Variants in DCN observed in about 807,000 individuals in gnomAD.
The protein encoded by DCN is bone proteoglycan II.
Under a neutral mutation model 36.5 loss-of-function variants are expected in DCN, and 17 were observed. The observed-to-expected ratio is 0.47, with a 90% CI of 0.32 to 0.70. The LOEUF (loss-of-function observed/expected upper bound fraction) is 0.70, where lower values mean the gene tolerates loss of function less well. DCN is among the 30% of genes least tolerant of loss of function. The pLI is 0.04. For missense variants in DCN, 389 were observed against 430.1 expected (o/e 0.90, Z 0.84); for synonymous variants, 163 against 161.4 (o/e 1.01, Z -0.07).
At chr12:91,152,047 T>C (rs1881467175) in intron 6 of DCN, among the ~76,000 whole-genome samples, 1 of 152,206 alleles carries the variant, frequency 6.6e-6, no homozygotes, top group South Asian at 2.1e-4. Flanking sequence ...TTCCTTATAA[T>C]ATCCTAAGTT....
intron 2 of DCN, among the ~76,000 whole-genome samples, chr12:91,168,939 A>G (rs1286654467): frequency 2.0e-5 from 3 of 152,176 alleles, no homozygotes; most frequent in Middle Eastern, 3.2e-3. Flanking sequence ...CATGGCATAT[A>G]TTTCTCCTGG....
chr12:91,177,716 T>C (rs1565790464), intron 2 of DCN: 1 of 695,820 alleles, frequency 1.4e-6, no homozygotes, highest in Admixed American at 2.0e-5. Context: ...CATACCTTAG[T>C]GATAAATATT....
intron 7 of DCN, among the ~76,000 whole-genome samples, chr12:91,150,084 G>A (rs1486783152): frequency 1.3e-5 from 2 of 151,914 alleles, no homozygotes; most frequent in African/African-American, 2.4e-5. Flanking sequence ...GAATGCAAAG[G>A]AACCAGAATA....
intron 7 of DCN, among the ~76,000 whole-genome samples, chr12:91,150,376 AT>A (rs2121162516): frequency 6.6e-6 from 1 of 152,232 alleles, no homozygotes; most frequent in East Asian, 1.9e-4. Flanking sequence ...GACTCATATC[AT>A]ATACTAGGAT....
intron 7 of DCN, 98 bp from the exon 8 acceptor site, chr12:91,146,350 A>AATTTT: frequency 2.0e-6 from 1 of 508,092 alleles, no homozygotes; most frequent in Non-Finnish European, 3.2e-6. Flanking sequence ...TTAATCCTTC[A>AATTTT]CTTTTTTTTT....
chr12:91,154,391 T>A (rs1881626189), intron 5 of DCN, among the ~76,000 whole-genome samples: 1 of 152,108 alleles, frequency 6.6e-6, no homozygotes, highest in African/African-American at 2.4e-5. Context: ...TTTTCACAGT[T>A]AAATAAATAA....
Position 91,141,696 on chromosome 12 carries a change from T to G in DCN, c.*4362A>C, listed in dbSNP as rs1274651486. ...ACAAAAAAGTTGGATTATTTTGACA[T>G]TTTTGAGTGTATTTTAAAATTGATT... On this transcript the variant is annotated 3_prime_UTR_variant, in exon 8 of 8. Coordinates refer to ENST00000052754, the MANE Select transcript of DCN (RefSeq NM_001920.5). 2 of 152,110 alleles carry G rather than the reference T, an allele frequency of 1.3e-5. No individual in the cohort carries two copies. Among genetic ancestry groups the G allele is most frequent in the African/African-American group, 4.8e-5 (2 of 41,426 alleles). The allele number at this position is 152,110 out of a possible 1,614,324, so 9.4% of individuals were successfully genotyped here. A position where few individuals can be genotyped will look rare whatever the true frequency, so the allele number is the denominator to read the frequency against.
In DCN at chr12:91,151,672, T is replaced by C. The variant is rs1022018865; in HGVS notation, c.867A>G (p.Ala289=). Residue 289 remains alanine (A), a synonymous_variant, in exon 7 of 8, where the codon GCA becomes GCG. Coordinates refer to ENST00000052754, the MANE Select transcript of DCN (RefSeq NM_001920.5). ...NKLTRVPGGL[A]EHKYIQVVYL... ...GCATTACCTGGATGTACTTATGCTC[T>C]GCCAGCCCACCAGGTACTCTGGTAA... 1 of 1,614,084 alleles carries C rather than the reference T, an allele frequency of 6.2e-7. No homozygotes were observed. Among genetic ancestry groups the C allele is most frequent in the Non-Finnish European group, 8.5e-7 (1 of 1,179,962 alleles).
chr12:91,175,342 A>C (rs1883227557), intron 2 of DCN: 1 of 148,926 alleles, frequency 6.7e-6, no homozygotes, highest in Non-Finnish European at 1.5e-5. Flanking sequence ...ATCCTCTTAA[A>C]AAAAAAAAAA....
chr12:91,169,532 G>A (rs1229675511), intron 2 of DCN: 1 of 151,962 alleles, frequency 6.6e-6, no homozygotes, highest in African/African-American at 2.4e-5. Flanking sequence ...ATACTGGTAA[G>A]TGTATTGTTA....
intron 2 of DCN, chr12:91,176,734 G>A (rs928656152): frequency 3.3e-5 from 5 of 152,108 alleles, no homozygotes; most frequent in East Asian, 3.8e-4. Context: ...TACATGTAGC[G>A]AGAGTAATAA....
chr12:91,148,218 C>T (rs3138281), intron 7 of DCN, among the ~76,000 whole-genome samples: 3 of 151,862 alleles, frequency 2.0e-5, no homozygotes, highest in East Asian at 3.9e-4. Flanking sequence ...GGACTACAGG[C>T]GCCCACCACC....
At chr12:91,177,005 T>G (rs1280551166) in intron 2 of DCN, 1 of 152,440 alleles carries the variant, frequency 6.6e-6, no homozygotes, top group Non-Finnish European at 1.5e-5. Flanking sequence ...AAAGTAATAG[T>G]CACCACCACT....
rs3138198 is a variant in DCN at position 91,170,499 on chromosome 12, C to G, written c.212-5782G>C. Among the ~76,000 whole-genome samples the G allele has an allele frequency of 5.5e-3, 831 of 152,206 alleles. 3 individuals are homozygous for G. Among genetic ancestry groups the G allele is most frequent in the African/African-American group, 0.019 (802 of 41,508 alleles). ...CAGGGCCTTTGGGGTGCTTGTCTACCAAGTTCAGGGCTTTTGGATAAGCCT... is the reference window on the plus strand; with the variant it reads ...CAGGGCCTTTGGGGTGCTTGTCTACGAAGTTCAGGGCTTTTGGATAAGCCT... On this transcript the variant is annotated intron_variant, in intron 2 of 7. Transcript: ENST00000052754.
intron 1 of DCN, among the ~76,000 whole-genome samples, chr12:91,181,483 A>C (rs1197634638): frequency 6.6e-6 from 1 of 152,116 alleles, no homozygotes; most frequent in Non-Finnish European, 1.5e-5. Flanking sequence ...TGTTTAAATT[A>C]TACTGAAACT....
intron 2 of DCN, chr12:91,177,770 A>C (rs781524474): frequency 2.9e-6 from 2 of 688,832 alleles, no homozygotes; most frequent in African/African-American, 1.8e-5. Context: ...GGATTACAAA[A>C]TGTCAAAAGT....
intron 1 of DCN, 120 bp downstream of exon 1, chr12:91,182,535 A>C (rs1198884848): frequency 1.3e-5 from 2 of 151,684 alleles, no homozygotes; most frequent in African/African-American, 4.9e-5. Flanking sequence ...AAAAACTATA[A>C]AAGTTTAACA....
chr12:91,153,829 C>A (rs886939510), intron 5 of DCN, among the ~76,000 whole-genome samples: 37 of 151,980 alleles, frequency 2.4e-4, no homozygotes, highest in African/African-American at 8.7e-4. Flanking sequence ...ATGTGGAGCA[C>A]CTGGGGTAAT....
At chr12:91,147,326 T>C (rs947375549) in intron 7 of DCN, among the ~76,000 whole-genome samples, 3 of 152,236 alleles carry the variant, frequency 2.0e-5, no homozygotes, top group South Asian at 2.1e-4. Context: ...TAAGTCGTTT[T>C]TTCTTACCAG....
Sources: gnomAD v4.1 joint callset for allele counts (sites outside exome capture counted in the v4.1 genomes callset) on GRCh38, gnomAD v4.1.1 for gene constraint, MANE v1.5 for transcripts, NCBI Gene and HGNC (gene_info 2026-07-23, HGNC 2026-07-21) for gene names.